Variants in DAP observed in about 807,000 individuals in gnomAD.
DAP encodes death-associated protein 1.
A neutral mutation model predicts 13.8 loss-of-function variants in DAP; 8 were observed. That is an observed-to-expected ratio of 0.58 (90% CI 0.34 to 1.05). The LOEUF (loss-of-function observed/expected upper bound fraction) is 1.05. DAP is among the 50% of genes least tolerant of loss of function. DAP has a pLI of 0.03. For synonymous variants in DAP, 47 were observed against 47.5 expected (o/e 0.99, Z 0.04); for missense variants, 106 against 133.2 (o/e 0.80, Z 1.01).
intron 2 of DAP, among the ~76,000 whole-genome samples, chr5:10,737,531 AG>A (rs1470740697): frequency 6.6e-6 from 1 of 152,194 alleles, no homozygotes; most frequent in Non-Finnish European, 1.5e-5. Flanking sequence ...TTAGAACTTA[AG>A]GGTAATGTTG....
intron 2 of DAP, among the ~76,000 whole-genome samples, chr5:10,684,789 C>T (rs1738114931): frequency 6.6e-6 from 1 of 152,148 alleles, no homozygotes; most frequent in Non-Finnish European, 1.5e-5. Flanking sequence ...GGTGTGTGCA[C>T]TTCCAAATGC....
At chr5:10,703,420 C>T (rs1235973334) in intron 2 of DAP, among the ~76,000 whole-genome samples, 1 of 151,996 alleles carries the variant, frequency 6.6e-6, no homozygotes, top group African/African-American at 2.4e-5. Context: ...GGGGTGTCAC[C>T]GACTCGCATG....
Position 10,700,287 on chromosome 5 carries a change from AC to A in DAP, c.153-16717del, listed in dbSNP as rs139044734. On this transcript the variant is annotated intron_variant, in intron 2 of 3. Transcript: ENST00000230895. Reference sequence around the variant, plus strand: ...TCCACCCACCTGACTTCTGAGGCCCACTGAGAAGTGACAGAAAGTGCAAGAA... The same window carrying A: ...TCCACCCACCTGACTTCTGAGGCCCATGAGAAGTGACAGAAAGTGCAAGAA... 2.5e-3 allele frequency among the ~76,000 whole-genome samples: 387 copies of A among 152,332 alleles called. 4 individuals carry two copies. Among genetic ancestry groups the A allele is most frequent in the African/African-American group, 8.6e-3 (356 of 41,570 alleles).
chr5:10,741,512 T>C (rs1015514932), intron 2 of DAP, among the ~76,000 whole-genome samples: 7 of 152,196 alleles, frequency 4.6e-5, no homozygotes, highest in African/African-American at 1.4e-4. Flanking sequence ...GTAAAGTATA[T>C]GACAAAACAC....
At chr5:10,721,952 C>A (rs371154772) in intron 2 of DAP, among the ~76,000 whole-genome samples, 12 of 152,118 alleles carry the variant, frequency 7.9e-5, no homozygotes, top group African/African-American at 2.9e-4. Context: ...TATTGCTAAT[C>A]TTATGTAATA....
At chr5:10,712,338 C>T (rs1164968827) in intron 2 of DAP, among the ~76,000 whole-genome samples, 5 of 152,214 alleles carry the variant, frequency 3.3e-5, no homozygotes, top group African/African-American at 1.2e-4. Flanking sequence ...CAAACTAACA[C>T]AGCAACACAC....
Position 10,680,689 on chromosome 5 carries a change from AACCTT to A in DAP, c.*362_*366del, listed in dbSNP as rs1203063985. On this transcript the variant is annotated 3_prime_UTR_variant, in exon 4 of 4. Coordinates refer to ENST00000230895, the MANE Select transcript of DAP (RefSeq NM_004394.3). The stretch of plus-strand genomic sequence containing the variant: ...CATGCAATGACTGAGGTTTTCTCCT[AACCTT>A]AATCTCATCTTCTCAAATGTGTGCC... 1 of 1,508,938 alleles carries A rather than the reference AACCTT, an allele frequency of 6.6e-7. No homozygotes were observed. The highest frequency in any genetic ancestry group is 1.2e-5 in the South Asian group (1 of 82,392). 93.5% of individuals were successfully genotyped at this position (1,508,938 alleles called of 1,614,324 possible).
intron 2 of DAP, among the ~76,000 whole-genome samples, chr5:10,746,989 T>C (rs1478086563): frequency 6.6e-6 from 1 of 152,164 alleles, no homozygotes; most frequent in Non-Finnish European, 1.5e-5. Context: ...CGGTGCATGA[T>C]ATGGGCAAGC....
intron 2 of DAP, among the ~76,000 whole-genome samples, chr5:10,694,481 C>A (rs1450944182): frequency 2.0e-5 from 3 of 152,102 alleles, no homozygotes; most frequent in Non-Finnish European, 4.4e-5. Flanking sequence ...TGCTTCTAGG[C>A]TGCCTGGCGG....
At chr5:10,708,329 CACAT>C (rs892809910) in intron 2 of DAP, among the ~76,000 whole-genome samples, 19 of 151,628 alleles carry the variant, frequency 1.3e-4, no homozygotes, top group African/African-American at 4.6e-4. Flanking sequence ...CACAGACACA[CACAT>C]ATACACACAC....
chr5:10,747,548 C>A (rs1040039708), intron 2 of DAP, among the ~76,000 whole-genome samples: 2 of 152,236 alleles, frequency 1.3e-5, no homozygotes, highest in East Asian at 3.8e-4. Flanking sequence ...ACACAGACAG[C>A]CAGGTCCACC....
chr5:10,697,881 G>C (rs1205955884), intron 2 of DAP, among the ~76,000 whole-genome samples: 6 of 152,160 alleles, frequency 3.9e-5, no homozygotes, highest in African/African-American at 7.2e-5. Context: ...GAATTAGAGA[G>C]ATGCCAGAGT....
At chr5:10,690,029 C>T (rs1738265442) in intron 2 of DAP, among the ~76,000 whole-genome samples, 1 of 152,188 alleles carries the variant, frequency 6.6e-6, no homozygotes, top group South Asian at 2.1e-4. Context: ...ATCTGTTTGG[C>T]ACTGGTAAGA....
At chr5:10,716,746 C>T (rs1161024779) in intron 2 of DAP, among the ~76,000 whole-genome samples, 1 of 152,072 alleles carries the variant, frequency 6.6e-6, no homozygotes, top group Non-Finnish European at 1.5e-5. Context: ...AACTTGTGAT[C>T]GTGTAAGTTA....
intron 2 of DAP, among the ~76,000 whole-genome samples, chr5:10,695,133 T>C (rs1264820737): frequency 6.6e-6 from 1 of 152,256 alleles, no homozygotes; most frequent in East Asian, 1.9e-4. Flanking sequence ...CTCACTCGAT[T>C]GCACCCAGAC....
chr5:10,709,671 T>C (rs1385454826), intron 2 of DAP, among the ~76,000 whole-genome samples: 3 of 152,206 alleles, frequency 2.0e-5, no homozygotes, highest in Non-Finnish European at 4.4e-5. Context: ...AGAGGCTGCT[T>C]GCCTCTGACC....
chr5:10,748,795 G>A (rs945432989), intron 1 of DAP, among the ~76,000 whole-genome samples: 10 of 152,168 alleles, frequency 6.6e-5, no homozygotes, highest in African/African-American at 2.4e-4. Context: ...CCCTACCGCT[G>A]GCAGATGTTA....
intron 2 of DAP, among the ~76,000 whole-genome samples, chr5:10,713,433 G>A (rs370153174): frequency 7.9e-5 from 12 of 152,172 alleles, no homozygotes; most frequent in African/African-American, 2.9e-4. Flanking sequence ...GAGGAGCAGG[G>A]AATGAGGGAG....
chr5:10,680,668 C>T lies in DAP; in HGVS notation c.*388G>A, dbSNP rs2126630716. 1 of 1,404,064 alleles carries T rather than the reference C, an allele frequency of 7.1e-7. No homozygotes were observed. The allele number at this position is 1,404,064 out of a possible 1,614,324, so 87.0% of individuals were successfully genotyped here. ...TTATTGGCCCATACTAAAAAGCATG[C>T]AATGACTGAGGTTTTCTCCTAACCT... On this transcript the variant is annotated 3_prime_UTR_variant, in exon 4 of 4. Coordinates refer to ENST00000230895, the MANE Select transcript of DAP (RefSeq NM_004394.3).
Sources: allele counts gnomAD v4.1 joint callset (sites outside exome capture counted in the v4.1 genomes callset), GRCh38; gene constraint gnomAD v4.1.1; transcripts MANE v1.5; gene names NCBI Gene and HGNC (gene_info 2026-07-23, HGNC 2026-07-21).